Variants in PACSIN3 observed in about 807,000 individuals in gnomAD.
PACSIN3 encodes the protein protein kinase C and casein kinase substrate in neurons 3.
Under a neutral mutation model 56.1 loss-of-function variants are expected in PACSIN3, and 34 were observed. That is an observed-to-expected ratio of 0.61 (90% CI 0.46 to 0.81). PACSIN3 has a LOEUF of 0.81. PACSIN3 is among the 30% of genes least tolerant of loss of function. The probability of loss-of-function intolerance (pLI) is 0.00; values close to 1 mark genes in which losing one functional copy is unlikely to be tolerated. For missense variants in PACSIN3, 535 were observed against 592.4 expected (o/e 0.90, Z 1.01); for synonymous variants, 218 against 229.8 (o/e 0.95, Z 0.46).
In PACSIN3 at chr11:47,179,353, GGA is replaced by G; in HGVS notation, c.779+56_779+57del. ...CCCTCAGTCCCAGCCAGGGCCTCGG[GGA>G]GATGGAGGAGACCCAGTACTACCCC... is the stretch of plus-strand genomic sequence containing the variant. On this transcript the variant is annotated intron_variant, in intron 7 of 10. Coordinates refer to ENST00000298838, the MANE Select transcript of PACSIN3 (RefSeq NM_016223.5). The surrounding 1 kb of genome is among the most constrained non-coding windows in gnomAD (Gnocchi z 4.4). 6.2e-7 allele frequency: 1 copy of G among 1,613,136 alleles called. No individual in the cohort carries two copies. Among genetic ancestry groups the G allele is most frequent in the Non-Finnish European group, 8.5e-7 (1 of 1,179,380 alleles).
At chr11:47,182,610 G>A in intron 3 of PACSIN3, 51 bp from the exon 4 acceptor site, 1 of 1,604,446 alleles carries the variant, frequency 6.2e-7, no homozygotes, top group Non-Finnish European at 8.5e-7. Flanking sequence ...TTCCTTTGGG[G>A]CTGGGGCTGT....
chr11:47,186,410 C>G lies in PACSIN3; in HGVS notation c.-165G>C, dbSNP rs1216819091. On this transcript the variant is annotated 5_prime_UTR_variant, in exon 1 of 11. Coordinates refer to ENST00000298838, the MANE Select transcript of PACSIN3 (RefSeq NM_016223.5). The surrounding 1 kb of genome is among the most constrained non-coding windows in gnomAD (Gnocchi z 4.5). ...GGCCACGCTCCGGCCCGAGTCCTGC[C>G]GCTCCTGGGCCCGCGCCGCGGCCTC... 6.6e-6 allele frequency: 1 copy of G among 151,256 alleles called. No homozygotes were observed. Among genetic ancestry groups the G allele is most frequent in the Middle Eastern group, 3.4e-3 (1 of 292 alleles). The allele number at this position is 151,256 out of a possible 1,614,324, so 9.4% of individuals were successfully genotyped here.
In PACSIN3 at chr11:47,179,511, C is replaced by G. The variant is rs765753216; in HGVS notation, c.679G>C (p.Ala227Pro). Reference sequence around the variant, plus strand: ...TCGGCGGCCTGGCAGGTCTCAAAGGCCTGTTCCATGTCCTCCATGTAGCGT... The same window carrying G: ...TCGGCGGCCTGGCAGGTCTCAAAGGGCTGTTCCATGTCCTCCATGTAGCGT... Reference protein sequence around the residue: ...TPRYMEDMEQAFETCQAAERQ... With the variant: ...TPRYMEDMEQPFETCQAAERQ... The change falls in exon 7 of 11, where the codon GCC becomes CCC. Residue 227 changes from alanine (A) to proline (P), a missense_variant. Coordinates refer to ENST00000298838, the MANE Select transcript of PACSIN3 (RefSeq NM_016223.5). This position sits in a 1 kb window ranked among gnomAD's most constrained non-coding sequence, Gnocchi z 4.4. 1 of 1,613,938 alleles carries G rather than the reference C, an allele frequency of 6.2e-7. No homozygotes were observed. The highest frequency in any genetic ancestry group is 8.5e-7 in the Non-Finnish European group (1 of 1,180,026).
At chr11:47,182,802 TTA>T in intron 2 of PACSIN3, 38 bp from the exon 3 acceptor site, 1 of 1,485,444 alleles carries the variant, frequency 6.7e-7, no homozygotes. Context: ...AAGCTGGACA[TTA>T]TGTTTCTGGG....
At position 47,182,509 on chromosome 11, in the gene PACSIN3, C is replaced by T. The variant is rs373474939; in HGVS notation, c.105G>A (p.Leu35=). ...GGAAGCAGCTGACCAGGTCCCCGCA[C>T]AGCCGGTGCCCGTCCTCCACCCGCT... ...TVQRVEDGHR[L]CGDLVSCFQE... is the part of the protein sequence containing the mutation. The change falls in exon 4 of 11, where the codon CTG becomes CTA. Residue 35 remains leucine, a synonymous_variant. Transcript: ENST00000298838. 5.1e-5 allele frequency: 82 copies of T among 1,612,500 alleles called. No individual in the cohort carries two copies. The Middle Eastern group carries it at 8.3e-4, about 16-fold the overall frequency.
chr11:47,180,348 T>G lies in PACSIN3; in HGVS notation c.448-7A>C, dbSNP rs1952995527. 3.1e-6 allele frequency: 5 copies of G among 1,601,554 alleles called. No homozygotes were observed. The Admixed American group carries it at 8.3e-5, about 27-fold the overall frequency. ...TTTTCTTGGAAGCCTCAACCTGGCA[T>G]GCATGGAGACCACTCTGGACCCTGG... On this transcript the variant is annotated splice_polypyrimidine_tract_variant and splice_region_variant and intron_variant, in intron 5 of 10. Coordinates refer to ENST00000298838, the MANE Select transcript of PACSIN3 (RefSeq NM_016223.5).
chr11:47,180,654 G>C lies in PACSIN3; in HGVS notation c.248C>G (p.Ala83Gly), dbSNP rs749513800. The C allele has an allele frequency of 1.2e-6, 2 of 1,603,016 alleles. No homozygotes were observed. The highest frequency in any genetic ancestry group is 1.7e-5 in the Admixed American group (1 of 59,970). The stretch of plus-strand genomic sequence containing the variant: ...CAGCCGCTCAGCCGCCGTGAAAAAG[G>C]CATGCCAGGCCTTCTCCAGTGTGCC... ...QYGTLEKAWH[A>G]FFTAAERLSA... The change falls in exon 5 of 11, where the codon GCC becomes GGC. Residue 83 changes from alanine to glycine, a missense_variant. By Grantham distance (60) the Ala-to-Gly change is moderately conservative. Transcript: ENST00000298838.
Position 47,179,915 on chromosome 11 carries a change from G to A in PACSIN3, c.603+271C>T, listed in dbSNP as rs1446828071. Among the ~76,000 whole-genome samples the A allele has an allele frequency of 6.6e-6, 1 of 152,200 alleles. No individual in the cohort carries two copies. Among genetic ancestry groups the A allele is most frequent in the Non-Finnish European group, 1.5e-5 (1 of 68,038 alleles). The stretch of plus-strand genomic sequence containing the variant: ...TTTGCATATCCAGAGCTGCAGGAAA[G>A]GACACTTCGGGCAAAGGGTACTGTG... On this transcript the variant is annotated intron_variant, in intron 6 of 10. Transcript: ENST00000298838. The surrounding 1 kb of genome is among the most constrained non-coding windows in gnomAD (Gnocchi z 4.4).
At chr11:47,183,686 C>T (rs1953070133) in intron 1 of PACSIN3, among the ~76,000 whole-genome samples, 1 of 152,360 alleles carries the variant, frequency 6.6e-6, no homozygotes, top group South Asian at 2.1e-4. Context: ...GGCCTGGCGT[C>T]CAGGGCAGCA....
rs751126553 is a variant in PACSIN3 at position 47,179,517 on chromosome 11, C to T, written c.673G>A (p.Glu225Lys). 2.5e-6 allele frequency: 4 copies of T among 1,613,950 alleles called. No homozygotes were observed. Among genetic ancestry groups the T allele is most frequent in the Non-Finnish European group, 3.4e-6 (4 of 1,180,032 alleles). Residue 225 changes from glutamate (E) to lysine (K), a missense_variant, in exon 7 of 11, where the codon GAA (glutamate) becomes AAA (lysine). Coordinates refer to ENST00000298838, the MANE Select transcript of PACSIN3 (RefSeq NM_016223.5). The surrounding 1 kb of genome is among the most constrained non-coding windows in gnomAD (Gnocchi z 4.4). ...GCCTGGCAGGTCTCAAAGGCCTGTT[C>T]CATGTCCTCCATGTAGCGTGGAGTG... ...RYTPRYMEDMEQAFETCQAAE... is the reference protein window; with the variant it reads ...RYTPRYMEDMKQAFETCQAAE...
rs142257742 is a variant in PACSIN3 at position 47,180,291 on chromosome 11, G to A, written c.498C>T (p.Thr166=). The A allele has an allele frequency of 5.6e-5, 89 of 1,603,116 alleles. 1 individual carries two copies. The African/African-American group carries it at 9.9e-4, about 18-fold the overall frequency. ...SYHAARKDEK[T]AQTRESHAKA... ...TTGCGTGGCTCTCCCTCGTCTGGGC[G>A]GTCTTCTCATCCTTCCGGGCTGCGT... The change falls in exon 6 of 11, where the codon ACC becomes ACT. Residue 166 remains threonine (T), a synonymous_variant. Coordinates refer to ENST00000298838, the MANE Select transcript of PACSIN3 (RefSeq NM_016223.5).
intron 3 of PACSIN3, 37 bp downstream of exon 3, chr11:47,182,637 C>T (rs1376761177): frequency 1.2e-6 from 2 of 1,607,186 alleles, no homozygotes; most frequent in African/African-American, 2.7e-5. Flanking sequence ...GGCTCCTCCC[C>T]TAGACAAGTA....
At position 47,179,687 on chromosome 11, in the gene PACSIN3, T is replaced by A; in HGVS notation, c.604-101A>T. 1.7e-6 allele frequency: 2 copies of A among 1,188,782 alleles called. No individual in the cohort carries two copies. Among genetic ancestry groups the A allele is most frequent in the Non-Finnish European group, 1.2e-6 (1 of 854,750 alleles). 73.6% of individuals were successfully genotyped at this position (1,188,782 alleles called of 1,614,324 possible). On this transcript the variant is annotated intron_variant, in intron 6 of 10. Transcript: ENST00000298838. This position sits in a 1 kb window ranked among gnomAD's most constrained non-coding sequence, Gnocchi z 4.4. ...TGCCATAGGCTGCTAGACCCAGGGCTAGCCACTAGGGGCAATCAGTCCCAA... is the reference window on the plus strand; with the variant it reads ...TGCCATAGGCTGCTAGACCCAGGGCAAGCCACTAGGGGCAATCAGTCCCAA...
rs950764037 is a variant in PACSIN3 at position 47,180,490 on chromosome 11, T to C, written c.412A>G (p.Lys138Glu). 3 of 1,603,768 alleles carry C rather than the reference T, an allele frequency of 1.9e-6. No homozygotes were observed. Among genetic ancestry groups the C allele is most frequent in the Admixed American group, 1.7e-5 (1 of 59,892 alleles). The change falls in exon 5 of 11, where the codon AAG becomes GAG. Residue 138 changes from lysine (K) to glutamate (E), a missense_variant. Lys to Glu is a moderately conservative substitution (Grantham distance 56). Coordinates refer to ENST00000298838, the MANE Select transcript of PACSIN3 (RefSeq NM_016223.5). ...ESRAAEDGFR[K>E]AQKPWLKRLK... is the part of the protein sequence containing the mutation. ...CTCTTCAGCCAGGGCTTCTGGGCCTTGCGGAAGCCGTCCTCGGCCGCCCGG... is the reference window on the plus strand; with the variant it reads ...CTCTTCAGCCAGGGCTTCTGGGCCTCGCGGAAGCCGTCCTCGGCCGCCCGG...
At position 47,182,548 on chromosome 11, in the gene PACSIN3, G is replaced by A. The variant is rs758594991; in HGVS notation, c.66C>T (p.Tyr22=). ...CCTCCACCCGCTGTACCGTGCGCCTGTAGTTGCCAGCCTGGGCATACAGGA... is the reference window on the plus strand; with the variant it reads ...CCTCCACCCGCTGTACCGTGCGCCTATAGTTGCCAGCCTGGGCATACAGGA... ...LGGSFWEAGN[Y]RRTVQRVEDG... is the part of the protein sequence containing the mutation. Residue 22 remains tyrosine, a synonymous_variant, in exon 4 of 11, where the codon TAC becomes TAT. Transcript: ENST00000298838. The A allele has an allele frequency of 2.5e-6, 4 of 1,610,716 alleles. No individual in the cohort carries two copies. The highest frequency in any genetic ancestry group is 1.1e-5 in the South Asian group (1 of 90,948).
At position 47,178,839 on chromosome 11, in the gene PACSIN3, A is replaced by T; in HGVS notation, c.1037+55T>A. On this transcript the variant is annotated intron_variant, in intron 9 of 10. Coordinates refer to ENST00000298838, the MANE Select transcript of PACSIN3 (RefSeq NM_016223.5). This position sits in a 1 kb window ranked among gnomAD's most constrained non-coding sequence, Gnocchi z 4.2. Reference sequence around the variant, plus strand: ...AGAAATGAAACCAAGGAGAAAGGAAAGGAGGGCGGGAGGCAGAGCTGTTTC... The same window carrying T: ...AGAAATGAAACCAAGGAGAAAGGAATGGAGGGCGGGAGGCAGAGCTGTTTC... The T allele has an allele frequency of 6.2e-7, 1 of 1,602,748 alleles. No individual in the cohort carries two copies. Among genetic ancestry groups the T allele is most frequent in the South Asian group, 1.1e-5 (1 of 90,540 alleles).
rs189339351 is a variant in PACSIN3, at chr11:47,181,134, C to T, written c.212-444G>A. ...AAAATTAGCCGGGCATGGTGGCGGG[C>T]GCCTGTAGTCCCAGCTACTTGGGAG... On this transcript the variant is annotated intron_variant, in intron 4 of 10. Transcript: ENST00000298838. Among the ~76,000 whole-genome samples, 1,421 of 152,148 alleles carry T rather than the reference C, an allele frequency of 9.3e-3. 12 individuals are homozygous for T. The highest frequency in any genetic ancestry group is 0.027 in the Middle Eastern group (8 of 294).
In PACSIN3 at chr11:47,178,996, C is replaced by T. The variant is rs776927868; in HGVS notation, c.935G>A (p.Arg312Gln). 2.2e-5 allele frequency: 35 copies of T among 1,613,986 alleles called. No individual in the cohort carries two copies. The highest frequency in any genetic ancestry group is 1.1e-4 in the East Asian group (5 of 44,880). ...AGGGCTCCGGCCACCCTTCTCTTTC[C>T]GGCTGATTGTCCTCTGTGTGTCCAA... The part of the protein sequence containing the change: ...WSLDTQRTIS[R>Q]KEKGGRSPDE... Residue 312 changes from arginine to glutamine, a missense_variant, in exon 9 of 11, where the codon CGG becomes CAG. Physicochemically the swap from Arg to Gln is conservative, Grantham distance 43. Coordinates refer to ENST00000298838, the MANE Select transcript of PACSIN3 (RefSeq NM_016223.5). The surrounding 1 kb of genome is among the most constrained non-coding windows in gnomAD (Gnocchi z 4.2).
In PACSIN3 at chr11:47,183,065, T is replaced by C. The variant is rs767783322; in HGVS notation, c.-99A>G. 14 of 249,666 alleles carry C rather than the reference T, an allele frequency of 5.6e-5. No individual in the cohort carries two copies. The highest frequency in any genetic ancestry group is 1.2e-4 in the Admixed American group (2 of 17,310). The allele number at this position is 249,666 out of a possible 1,614,324, so 15.5% of individuals were successfully genotyped here. ...CAACTCTCAATGCTGCCACCGTGAC[T>C]CTGCCTTGAAGGAGAACAGAGCGGG... On this transcript the variant is annotated 5_prime_UTR_variant, in exon 2 of 11. Transcript: ENST00000298838.
Sources: gnomAD v4.1 joint callset for allele counts (sites outside exome capture counted in the v4.1 genomes callset) on GRCh38, gnomAD v4.1.1 for gene constraint, Gnocchi (gnomAD v3.1) non-coding constraint, MANE v1.5 for transcripts, NCBI Gene and HGNC (gene_info 2026-07-23, HGNC 2026-07-21) for gene names.